The following RTEL1 variants were observed in gnomAD, a reference collection of about 807,000 sequenced individuals.
RTEL1 encodes regulator of telomere elongation helicase 1.
In RTEL1, 86 loss-of-function variants were observed where a neutral mutation model predicts 162.2. That is an observed-to-expected ratio of 0.53 (90% confidence interval 0.45 to 0.63). The LOEUF is 0.63. Among genes scored for constraint, RTEL1 ranks in the 30% least tolerant of loss-of-function variants. The pLI is 0.00. For synonymous variants in RTEL1, 958 were observed against 717.9 expected, an observed-to-expected ratio of 1.33 and a Z score of -5.35; for missense variants, 1,941 against 1,750.2, an observed-to-expected ratio of 1.11 and a Z score of -1.95.
rs774193043 is a variant in RTEL1 at position 63,679,981 on chromosome 20, A to G, written c.1135+35A>G. On this transcript the variant is annotated intron_variant, in intron 13 of 34. Transcript: ENST00000360203. Reference sequence around the variant, plus strand: ...GGCACGGGGTCTTTGGTGCGGGCAAATGTGGCGTAGGGGGTGCAGCAGGCC... The same window carrying G: ...GGCACGGGGTCTTTGGTGCGGGCAAGTGTGGCGTAGGGGGTGCAGCAGGCC... 1.7e-5 allele frequency: 26 copies of G among 1,510,514 alleles called. No individual in the cohort carries two copies. In the East Asian group the frequency reaches 3.6e-4, roughly 21 times the overall value. 93.6% of individuals were successfully genotyped at this position (1,510,514 alleles called of 1,614,324 possible). A position where few individuals can be genotyped will look rare whatever the true frequency, so the allele number is the denominator to read the frequency against.
chr20:63,694,781 C>A lies in RTEL1; in HGVS notation c.3150C>A (p.Pro1050=). 6.2e-7 allele frequency: 1 copy of A among 1,611,760 alleles called. No individual in the cohort carries two copies. Among genetic ancestry groups the A allele is most frequent in the Non-Finnish European group, 8.5e-7 (1 of 1,179,508 alleles). Residue 1050 remains proline, a synonymous_variant, in exon 32 of 35, where the codon CCC becomes CCA. Transcript: ENST00000360203. Reference sequence around the variant, plus strand: ...AACCACAGTGGGGGTCTGGAGTGCCCAGAGCAGGGAAGCAGGGCCAGCACG... The same window carrying A: ...AACCACAGTGGGGGTCTGGAGTGCCAAGAGCAGGGAAGCAGGGCCAGCACG... ...GSQPQWGSGV[P]RAGKQGQHAV...
intron 6 of RTEL1, among the ~76,000 whole-genome samples, chr20:63,663,616 C>T (rs1015305227): frequency 6.6e-6 from 1 of 152,210 alleles, no homozygotes; most frequent in Non-Finnish European, 1.5e-5. Flanking sequence ...GGGTGCACCC[C>T]CGTTGGCTGC....
chr20:63,672,979 G>A (rs1464299826), intron 9 of RTEL1, among the ~76,000 whole-genome samples: 2 of 152,230 alleles, frequency 1.3e-5, no homozygotes, highest in Non-Finnish European at 2.9e-5. Flanking sequence ...CTGCCCTTCC[G>A]GCCACATGGC....
rs1568720003 is a variant in RTEL1 at position 63,693,465 on chromosome 20, ACCTCCACCT to A, written c.2992+185_2992+193del. 4.0e-3 allele frequency among the ~76,000 whole-genome samples: 100 copies of A among 24,730 alleles called. 7 individuals are homozygous for A. Among genetic ancestry groups the A allele is most frequent in the African/African-American group, 0.015 (74 of 5,002 alleles). 16.2% of individuals were successfully genotyped at this position (24,730 alleles called of 152,430 possible). On this transcript the variant is annotated intron_variant, in intron 30 of 34. Coordinates refer to ENST00000360203, the MANE Select transcript of RTEL1 (RefSeq NM_001283009.2). ...CACCAGCAGCACCACCTCCACCTCC[ACCTCCACCT>A]CCACCTCCACCACCACCTCCACCTC...
At chr20:63,692,644 C>A (rs1035221511) in intron 28 of RTEL1, 161 bp from the exon 29 acceptor site, 4 of 668,162 alleles carry the variant, frequency 6.0e-6, no homozygotes, top group African/African-American at 5.4e-5. Flanking sequence ...CTTCCCGCAG[C>A]CCCTCCCTAT....
At chr20:63,687,797 A>G in intron 17 of RTEL1, 27 bp downstream of exon 17, 1 of 1,556,838 alleles carries the variant, frequency 6.4e-7, no homozygotes, top group Non-Finnish European at 8.7e-7. Flanking sequence ...CCAGGGCCTG[A>G]GCACCGGTGA....
chr20:63,685,233 G>A (rs182137199), intron 14 of RTEL1, among the ~76,000 whole-genome samples: 48 of 152,318 alleles, frequency 3.2e-4, no homozygotes, highest in Non-Finnish European at 5.3e-4. Context: ...GGCACAGAGA[G>A]GAGGGCTGGG....
chr20:63,690,410 G>C lies in RTEL1; in HGVS notation c.2382G>C (p.Leu794=). Residue 794 remains leucine, a synonymous_variant, in exon 26 of 35, where the codon CTG becomes CTC. Coordinates refer to ENST00000360203, the MANE Select transcript of RTEL1 (RefSeq NM_001283009.2). ...FSTRKAKSLD[L]HVPSLKQRSS... is the part of the protein sequence containing the mutation. ...CCAGGAAAGCTAAGAGTCTGGACCT[G>C]CATGTCCCCAGCCTGAAGCAGAGGT... The C allele has an allele frequency of 1.2e-6, 2 of 1,604,470 alleles. No individual in the cohort carries two copies. Among genetic ancestry groups the C allele is most frequent in the Non-Finnish European group, 1.7e-6 (2 of 1,174,868 alleles).
rs536439743 is a variant in RTEL1, at chr20:63,673,831, A to T, written c.766-109A>T. ...ACAGACCCCAGGCCAAGGCTTTGGGAACTTGGCTGTCAGCCTCCTGTGCCT... is the reference window on the plus strand; with the variant it reads ...ACAGACCCCAGGCCAAGGCTTTGGGTACTTGGCTGTCAGCCTCCTGTGCCT... On this transcript the variant is annotated intron_variant, in intron 9 of 34. Coordinates refer to ENST00000360203, the MANE Select transcript of RTEL1 (RefSeq NM_001283009.2). 8.6e-5 allele frequency: 110 copies of T among 1,275,760 alleles called. No individual in the cohort carries two copies. In the East Asian group the frequency reaches 2.4e-3, roughly 27 times the overall value. The allele number at this position is 1,275,760 out of a possible 1,614,324, so 79.0% of individuals were successfully genotyped here.
intron 4 of RTEL1, 94 bp from the exon 5 acceptor site, chr20:63,662,452 G>A: frequency 6.3e-7 from 1 of 1,578,814 alleles, no homozygotes; most frequent in Non-Finnish European, 8.6e-7. Flanking sequence ...GACCGCCGAG[G>A]CTCCTGCGTG....
At chr20:63,688,503 G>A (rs768388015) in intron 20 of RTEL1, 25 bp from the exon 21 acceptor site, 14 of 1,607,612 alleles carry the variant, frequency 8.7e-6, no homozygotes, top group African/African-American at 4.0e-5. Context: ...CAGGGCTGCC[G>A]TGTCCCTGCC....
At chr20:63,692,701 G>A in intron 28 of RTEL1, 104 bp from the exon 29 acceptor site, 3 of 1,144,520 alleles carry the variant, frequency 2.6e-6, no homozygotes, top group Non-Finnish European at 3.8e-6. Flanking sequence ...CACCTCGGCA[G>A]TCACTGTCCC....
chr20:63,689,587 G>C lies in RTEL1; in HGVS notation c.1964G>C (p.Arg655Pro). ...GLPYPPRMDPRVVLKMQFLDE... is the reference protein window; with the variant it reads ...GLPYPPRMDPPVVLKMQFLDE... ...CCGTACCCCCCACGCATGGACCCCC[G>C]GGTTGTCCTCAAGATGCAGTTCCTG... The change falls in exon 23 of 35, where the codon CGG (arginine) becomes CCG (proline). Residue 655 changes from arginine to proline, a missense_variant. Transcript: ENST00000360203. 6.2e-7 allele frequency: 1 copy of C among 1,612,386 alleles called. No individual in the cohort carries two copies. Among genetic ancestry groups the C allele is most frequent in the Non-Finnish European group, 8.5e-7 (1 of 1,179,780 alleles).
At chr20:63,678,062 A>G in intron 10 of RTEL1, 83 bp from the exon 11 acceptor site, 2 of 1,524,802 alleles carry the variant, frequency 1.3e-6, no homozygotes, top group Non-Finnish European at 1.8e-6. Flanking sequence ...CCTTTTTTCC[A>G]TGCCAGGAAT....
At chr20:63,676,079 C>T (rs1250897011) in intron 10 of RTEL1, among the ~76,000 whole-genome samples, 3 of 151,940 alleles carry the variant, frequency 2.0e-5, no homozygotes, top group Non-Finnish European at 2.9e-5. Flanking sequence ...TGTTCCCCCA[C>T]CCCTTTGGAG....
At chr20:63,678,380 G>A (rs772922727) in intron 12 of RTEL1, 34 bp downstream of exon 12, 1 of 1,583,156 alleles carries the variant, frequency 6.3e-7, no homozygotes, top group African/African-American at 1.3e-5. Flanking sequence ...TTCACTGCAG[G>A]CCCAGCCTAG....
Position 63,666,061 on chromosome 20 carries a change from A to G in RTEL1, c.596A>G (p.Lys199Arg), listed in dbSNP as rs1377331597. Residue 199 changes from lysine to arginine, a missense_variant, in exon 7 of 35, where the codon AAG becomes AGG. By Grantham distance (26) the Lys-to-Arg change is conservative. Coordinates refer to ENST00000360203, the MANE Select transcript of RTEL1 (RefSeq NM_001283009.2). ...ATCCTGGACATTGAGGACTTGGTCA[A>G]GAGCGGAAGCAAGCACAGGTGAGAC... ...SPILDIEDLV[K>R]SGSKHRVCPY... 6.2e-7 allele frequency: 1 copy of G among 1,614,056 alleles called. No homozygotes were observed. Among genetic ancestry groups the G allele is most frequent in the Non-Finnish European group, 8.5e-7 (1 of 1,180,024 alleles).
At chr20:63,693,397 G>T (rs562726926) in intron 30 of RTEL1, 114 bp downstream of exon 30, 7 of 1,323,722 alleles carry the variant, frequency 5.3e-6, no homozygotes, top group Non-Finnish European at 7.3e-6. Context: ...CCGCCTCTCT[G>T]TTCCCCTATG....
At position 63,661,818 on chromosome 20, in the gene RTEL1, C is replaced by T. The variant is rs866472975; in HGVS notation, c.302-32C>T. 6.3e-6 allele frequency: 10 copies of T among 1,589,144 alleles called. No homozygotes were observed. Among genetic ancestry groups the T allele is most frequent in the African/African-American group, 2.7e-5 (2 of 74,348 alleles). ...ATACGTGAGAACGTTGTCTGAGAAC[C>T]GTGACTTCTGTGCTTGCTTGTGTCT... On this transcript the variant is annotated intron_variant, in intron 3 of 34. Transcript: ENST00000360203. This position sits in a 1 kb window ranked among gnomAD's most constrained non-coding sequence, Gnocchi z 5.1.
Sources: gnomAD v4.1 joint callset for allele counts (sites outside exome capture counted in the v4.1 genomes callset) on GRCh38, gnomAD v4.1.1 for gene constraint, Gnocchi (gnomAD v3.1) non-coding constraint, MANE v1.5 for transcripts, NCBI Gene and HGNC (gene_info 2026-07-23, HGNC 2026-07-21) for gene names.